DAB1: variants seen among roughly 807,000 people sequenced by gnomAD.
The protein encoded by DAB1 is DAB adaptor protein 1.
Under a neutral mutation model 64.6 loss-of-function variants are expected in DAB1, and 15 were observed. That is an observed-to-expected ratio of 0.23 (90% CI 0.16 to 0.36). The LOEUF (loss-of-function observed/expected upper bound fraction) is 0.36, where lower values mean the gene tolerates loss of function less well. Ranked by LOEUF, DAB1 falls within the 10% of genes least tolerant of loss-of-function variation. The pLI, the probability that DAB1 is intolerant of heterozygous loss-of-function variation, is 1.00. For missense variants in DAB1, 596 were observed against 706.7 expected (o/e 0.84, Z 1.78); for synonymous variants, 235 against 251.9 (o/e 0.93, Z 0.64).
intron 2 of DAB1, among the ~76,000 whole-genome samples, chr1:57,237,383 C>A (rs1250847151): frequency 6.6e-6 from 1 of 152,102 alleles, no homozygotes; most frequent in Non-Finnish European, 1.5e-5. Context: ...TGGAGGTAAG[C>A]CAGATAGGAA....
chr1:57,700,492 A>T (rs544130023), intron 6 of DAB1, among the ~76,000 whole-genome samples: 1 of 152,224 alleles, frequency 6.6e-6, no homozygotes, highest in African/African-American at 2.4e-5. Context: ...TATTTGTCTA[A>T]GCACTTTCAA....
At chr1:57,313,525 A>G (rs1344042294) in intron 1 of DAB1, among the ~76,000 whole-genome samples, 2 of 152,152 alleles carry the variant, frequency 1.3e-5, no homozygotes, top group Non-Finnish European at 2.9e-5. Context: ...TGTGCCTGCT[A>G]TGAGGAAGGG....
chr1:57,589,275 C>G (rs1197841311), intron 7 of DAB1, among the ~76,000 whole-genome samples: 1 of 151,452 alleles, frequency 6.6e-6, no homozygotes, highest in Non-Finnish European at 1.5e-5. Context: ...AAAAGAGAAA[C>G]CAGAAAAGGA....
intron 6 of DAB1, among the ~76,000 whole-genome samples, chr1:57,768,174 C>CT (rs1321255847): frequency 2.4e-4 from 3 of 12,718 alleles, no homozygotes; most frequent in Admixed American, 1.3e-3. Context: ...GAGAATCTGT[C>CT]TAAAAAAAAA....
At position 58,033,966 on chromosome 1, in the gene DAB1, T is replaced by C. The variant is rs865789706; in HGVS notation, n.387+116545A>G. Among the ~76,000 whole-genome samples, 9 of 152,282 alleles carry C rather than the reference T, an allele frequency of 5.9e-5. 1 individual carries two copies. In the South Asian group the frequency reaches 8.3e-4, roughly 14 times the overall value. ...ACTTGCTGAAAGGAGTGGCGAGAGTTGTAATTCTAGAACGGCCACCAGTGA... is the reference window on the plus strand; with the variant it reads ...ACTTGCTGAAAGGAGTGGCGAGAGTCGTAATTCTAGAACGGCCACCAGTGA... On this transcript the variant is annotated intron_variant and non_coding_transcript_variant, in intron 5 of 20. Coordinates refer to the DAB1 transcript ENST00000485760.
intron 5 of DAB1, among the ~76,000 whole-genome samples, chr1:57,992,700 T>C (rs2100380046): frequency 6.6e-6 from 1 of 152,250 alleles, no homozygotes; most frequent in East Asian, 1.9e-4. Context: ...AATAAGGCAG[T>C]TGTGCATTTT....
intron 2 of DAB1, among the ~76,000 whole-genome samples, chr1:57,190,377 T>C (rs771470872): frequency 2.0e-5 from 3 of 152,104 alleles, no homozygotes; most frequent in Non-Finnish European, 2.9e-5. Context: ...CTAATAAACG[T>C]GAAAGCAGGC....
At chr1:58,426,501 G>A (rs1399789210) in intron 3 of DAB1, among the ~76,000 whole-genome samples, 1 of 152,192 alleles carries the variant, frequency 6.6e-6, no homozygotes, top group East Asian at 1.9e-4. Flanking sequence ...TCCAGGATCT[G>A]CAGTCAACAA....
In DAB1 at chr1:58,118,503, T is replaced by TACAC. The variant is rs34017384; in HGVS notation, n.387+32004_387+32007dup. 7.8e-3 allele frequency among the ~76,000 whole-genome samples: 411 copies of TACAC among 53,000 alleles called. 12 individuals carry two copies. Among genetic ancestry groups the TACAC allele is most frequent in the East Asian group, 0.032 (25 of 772 alleles). 34.8% of individuals were successfully genotyped at this position (53,000 alleles called of 152,430 possible). Reference sequence around the variant, plus strand: ...ATATATATATATATATATATATATATACACACACACACACACACATATATA... The same window carrying TACAC: ...ATATATATATATATATATATATATATACACACACACACACACACACACATATATA... On this transcript the variant is annotated intron_variant and non_coding_transcript_variant, in intron 5 of 20. Transcript: ENST00000485760.
chr1:57,839,347 T>C (rs562578909), intron 1 of DAB1, among the ~76,000 whole-genome samples: 2 of 152,302 alleles, frequency 1.3e-5, no homozygotes, highest in South Asian at 4.1e-4. Flanking sequence ...GAGTTCATTG[T>C]CTGTGCCAAC....
chr1:57,314,055 T>G (rs1469676549), intron 1 of DAB1, among the ~76,000 whole-genome samples: 2 of 152,216 alleles, frequency 1.3e-5, no homozygotes, highest in Non-Finnish European at 2.9e-5. Flanking sequence ...CATTCTGTTA[T>G]AGCAGTCCAA....
chr1:58,118,638 TAA>T (rs1170451408), intron 5 of DAB1, among the ~76,000 whole-genome samples: 3 of 142,404 alleles, frequency 2.1e-5, no homozygotes, highest in Non-Finnish European at 3.0e-5. Context: ...CATATATATA[TAA>T]AGATCCTGTA....
At chr1:57,280,268 C>T (rs112685778) in intron 2 of DAB1, among the ~76,000 whole-genome samples, 9 of 152,298 alleles carry the variant, frequency 5.9e-5, no homozygotes, top group African/African-American at 1.9e-4. Context: ...TCTGCTCTTG[C>T]CTCTCCTCTG....
chr1:57,326,085 G>T (rs956420108), intron 1 of DAB1, among the ~76,000 whole-genome samples: 3 of 152,196 alleles, frequency 2.0e-5, no homozygotes, highest in Admixed American at 1.3e-4. Flanking sequence ...CGATGAAAAG[G>T]GGGTACTCCC....
At chr1:58,533,959 CCCAAG>C in intron 1 of DAB1, 1 of 872,092 alleles carries the variant, frequency 1.1e-6, no homozygotes, top group Non-Finnish European at 2.0e-6. Context: ...TTACAGCATG[CCCAAG>C]TACTGCATGT....
chr1:57,965,850 TA>T, intron 5 of DAB1, among the ~76,000 whole-genome samples: 1 of 152,074 alleles, frequency 6.6e-6, no homozygotes, highest in South Asian at 2.1e-4. Context: ...AATAGACCAT[TA>T]AAGTGGAAGA....
At chr1:57,262,610 C>G (rs551170829) in intron 2 of DAB1, among the ~76,000 whole-genome samples, 1 of 152,212 alleles carries the variant, frequency 6.6e-6, no homozygotes, top group Admixed American at 6.5e-5. Flanking sequence ...TCTTATCACC[C>G]GGAGTTCTTT....
rs72061301 is a variant in DAB1 at position 58,470,116 on chromosome 1, C to CTTTATTTATTTA, written n.257+35932_257+35943dup. 1.4e-4 allele frequency among the ~76,000 whole-genome samples: 21 copies of CTTTATTTATTTA among 145,080 alleles called. No individual in the cohort carries two copies. In the East Asian group the frequency reaches 3.6e-3, roughly 25 times the overall value. ...CAAAACAGCAAAGCTGGGACTTTCTCTTTATTTATTTATTTATTTATTTAT... is the reference window on the plus strand; with the variant it reads ...CAAAACAGCAAAGCTGGGACTTTCTCTTTATTTATTTATTTATTTATTTATTTATTTATTTAT... On this transcript the variant is annotated intron_variant and non_coding_transcript_variant, in intron 3 of 20. Coordinates refer to the DAB1 transcript ENST00000485760.
chr1:58,253,857 T>C (rs1399711767), intron 4 of DAB1, among the ~76,000 whole-genome samples: 1 of 152,212 alleles, frequency 6.6e-6, no homozygotes, highest in Non-Finnish European at 1.5e-5. Flanking sequence ...TTCAGGGCCA[T>C]GATACTAGGA....
Sources: gnomAD v4.1 joint callset for allele counts (sites outside exome capture counted in the v4.1 genomes callset) on GRCh38, gnomAD v4.1.1 for gene constraint, MANE v1.5 for transcripts, NCBI Gene and HGNC (gene_info 2026-07-23, HGNC 2026-07-21) for gene names.